The following STXBP6 variants were observed in gnomAD, a reference collection of about 807,000 sequenced individuals.
The protein encoded by STXBP6 is syntaxin-binding protein 6.
Under a neutral mutation model 26.9 loss-of-function variants are expected in STXBP6, and 21 were observed. That is an observed-to-expected ratio of 0.78 (90% CI 0.55 to 1.12). STXBP6 has a LOEUF of 1.12. Among genes scored for constraint, STXBP6 ranks in the 50% most tolerant of loss-of-function variants. STXBP6 has a pLI of 0.00. For missense variants in STXBP6, 232 were observed against 257.9 expected (o/e 0.90, Z 0.69); for synonymous variants, 97 against 92.6 (o/e 1.05, Z -0.27).
At chr14:24,926,954 TTAA>T (rs2139858792) in intron 2 of STXBP6, among the ~76,000 whole-genome samples, 1 of 151,494 alleles carries the variant, frequency 6.6e-6, no homozygotes, top group South Asian at 2.1e-4. Flanking sequence ...AAAAATAAAG[TTAA>T]TAATTACGTC....
intron 1 of STXBP6, among the ~76,000 whole-genome samples, chr14:24,987,174 A>G (rs2074353749): frequency 6.6e-6 from 1 of 152,224 alleles, no homozygotes; most frequent in Non-Finnish European, 1.5e-5. Context: ...ACATTCAAAC[A>G]AATGTGATCG....
intron 1 of STXBP6, among the ~76,000 whole-genome samples, chr14:25,004,835 A>AT (rs2074852440): frequency 6.6e-6 from 1 of 152,256 alleles, no homozygotes; most frequent in Admixed American, 6.5e-5. Flanking sequence ...ATAGCTTTCT[A>AT]TAAGCAATTA....
At chr14:24,954,183 G>A (rs987038335) in intron 2 of STXBP6, among the ~76,000 whole-genome samples, 4 of 152,132 alleles carry the variant, frequency 2.6e-5, no homozygotes, top group Non-Finnish European at 4.4e-5. Context: ...CACCCTCACT[G>A]GCTTCTAAGG....
intron 2 of STXBP6, among the ~76,000 whole-genome samples, chr14:24,906,765 TGTATA>T (rs1158003690): frequency 6.6e-6 from 1 of 152,190 alleles, no homozygotes; most frequent in African/African-American, 2.4e-5. Flanking sequence ...TTACTTTTTC[TGTATA>T]GTAAATTGAT....
chr14:24,984,157 G>A (rs935376466), intron 1 of STXBP6, among the ~76,000 whole-genome samples: 2 of 152,096 alleles, frequency 1.3e-5, no homozygotes, highest in Non-Finnish European at 2.9e-5. Context: ...ACTTGAACCC[G>A]GGAGGTGGAG....
chr14:24,818,901 G>T, intron 5 of STXBP6, 136 bp downstream of exon 5: 2 of 1,181,166 alleles, frequency 1.7e-6, no homozygotes, highest in Non-Finnish European at 2.3e-6. Flanking sequence ...TTAGTAAGTA[G>T]CAGATGGGAA....
intron 2 of STXBP6, among the ~76,000 whole-genome samples, chr14:24,924,753 T>C (rs1195117418): frequency 2.0e-5 from 3 of 152,150 alleles, no homozygotes; most frequent in Non-Finnish European, 4.4e-5. Context: ...GAACTTGCAA[T>C]CAGTGGGGGA....
intron 2 of STXBP6, among the ~76,000 whole-genome samples, chr14:24,867,057 T>C (rs1354718369): frequency 1.1e-4 from 17 of 152,126 alleles, no homozygotes; most frequent in Admixed American, 9.8e-4. Context: ...GCAAAATTCA[T>C]GTTAAAACTT....
At chr14:25,008,155 T>C (rs912055897) in intron 1 of STXBP6, among the ~76,000 whole-genome samples, 2 of 152,250 alleles carry the variant, frequency 1.3e-5, no homozygotes, top group African/African-American at 2.4e-5. Flanking sequence ...GACCCAGCTC[T>C]ACACATGGGA....
intron 1 of STXBP6, among the ~76,000 whole-genome samples, chr14:24,986,490 T>G (rs1163952540): frequency 6.6e-6 from 1 of 152,148 alleles, no homozygotes; most frequent in African/African-American, 2.4e-5. Context: ...CTGGTGTTGG[T>G]GGTCTCCTGA....
chr14:24,926,553 C>T (rs570964531), intron 2 of STXBP6, among the ~76,000 whole-genome samples: 3 of 152,138 alleles, frequency 2.0e-5, no homozygotes, highest in Non-Finnish European at 4.4e-5. Context: ...CATTAGTACA[C>T]TAGTATCATT....
chr14:24,820,889 T>C (rs1219736523), intron 4 of STXBP6, among the ~76,000 whole-genome samples: 3 of 152,210 alleles, frequency 2.0e-5, no homozygotes, highest in African/African-American at 7.2e-5. Flanking sequence ...TTTGCAGATA[T>C]GGTGTTGGTT....
intron 2 of STXBP6, among the ~76,000 whole-genome samples, chr14:24,870,930 G>C (rs960858915): frequency 2.0e-5 from 3 of 152,114 alleles, no homozygotes; most frequent in Non-Finnish European, 2.9e-5. Flanking sequence ...ATTTGAGTAT[G>C]CCAGCATTTT....
chr14:25,011,577 C>A (rs901271234), intron 1 of STXBP6, among the ~76,000 whole-genome samples: 1 of 152,020 alleles, frequency 6.6e-6, no homozygotes, highest in Admixed American at 6.6e-5. Context: ...GAGAATGAGA[C>A]AAAATAATGT....
intron 1 of STXBP6, among the ~76,000 whole-genome samples, chr14:24,975,318 A>C (rs1250699614): frequency 6.6e-6 from 1 of 152,238 alleles, no homozygotes; most frequent in Non-Finnish European, 1.5e-5. Flanking sequence ...AATTCCATTC[A>C]TAATGGAAAT....
intron 1 of STXBP6, among the ~76,000 whole-genome samples, chr14:25,040,231 T>C (rs1317751114): frequency 1.3e-5 from 2 of 152,168 alleles, no homozygotes; most frequent in Non-Finnish European, 2.9e-5. Context: ...GTAACTTTAT[T>C]TTCCAAACTC....
chr14:25,002,898 TG>T (rs928802068), intron 1 of STXBP6, among the ~76,000 whole-genome samples: 17 of 152,104 alleles, frequency 1.1e-4, no homozygotes, highest in Non-Finnish European at 2.2e-4. Context: ...AGCTAATTTT[TG>T]TATTTTTAGT....
chr14:24,873,048 C>T (rs760285600), intron 2 of STXBP6, among the ~76,000 whole-genome samples: 15 of 152,076 alleles, frequency 9.9e-5, no homozygotes, highest in South Asian at 2.1e-4. Context: ...TGTTTTTGTA[C>T]ATCTTATTCA....
At chr14:24,820,443 C>T (rs772974498) in intron 4 of STXBP6, among the ~76,000 whole-genome samples, 10 of 152,126 alleles carry the variant, frequency 6.6e-5, no homozygotes, top group Non-Finnish European at 1.2e-4. Context: ...CAATTATGCA[C>T]TGAGGGGAGG....
Sources: allele counts gnomAD v4.1 joint callset (sites outside exome capture counted in the v4.1 genomes callset), GRCh38; gene constraint gnomAD v4.1.1; transcripts MANE v1.5; gene names NCBI Gene and HGNC (gene_info 2026-07-23, HGNC 2026-07-21).